Variants in IL1RAPL2 observed in about 807,000 individuals in gnomAD.
The protein encoded by IL1RAPL2 is X-linked interleukin-1 receptor accessory protein-like 2.
IL1RAPL2 carries 3 observed loss-of-function variants against 44.1 expected under a neutral mutation model. The ratio of observed to expected loss-of-function variants is 0.07; its 90% CI spans 0.03 to 0.18. The LOEUF is 0.18. Among genes scored for constraint, IL1RAPL2 ranks in the 10% least tolerant of loss-of-function variants. The pLI, the probability that IL1RAPL2 is intolerant of heterozygous loss-of-function variation, is 1.00. For synonymous variants in IL1RAPL2, 181 were observed against 178.8 expected (o/e 1.01, Z -0.10); for missense variants, 391 against 496.4 (o/e 0.79, Z 2.02).
Position 104,582,578 on chromosome X carries a change from T to TTCTC in IL1RAPL2, c.-20+15528_-20+15529insCTCT, listed in dbSNP as rs1556437089. On this transcript the variant is annotated intron_variant, in intron 1 of 10. Coordinates refer to ENST00000372582, the MANE Select transcript of IL1RAPL2 (RefSeq NM_017416.2). ...TTCCTCCTTTCTCCTCTTTCTTTCT[T>TTCTC]TTTCTTTCTTTCTTTCTTTTTCTTT... 2.7e-3 allele frequency among the ~76,000 whole-genome samples: 161 copies of TTCTC among 59,843 alleles called. 1 individual carries two copies. Among genetic ancestry groups the TTCTC allele is most frequent in the African/African-American group, 8.6e-3 (151 of 17,481 alleles). 52.0% of individuals were successfully genotyped at this position (59,843 alleles called of 115,157 possible).
intron 7 of IL1RAPL2, among the ~76,000 whole-genome samples, chrX:105,721,371 A>G (rs2038302917): frequency 1.8e-5 from 2 of 110,701 alleles, no homozygotes; most frequent in South Asian, 7.8e-4. Flanking sequence ...AGCTGAGATC[A>G]TGCTATTGCA....
At chrX:105,545,171 C>T (rs1025935483) in intron 6 of IL1RAPL2, among the ~76,000 whole-genome samples, 7 of 111,860 alleles carry the variant, frequency 6.3e-5, no homozygotes, top group Admixed American at 5.7e-4. Flanking sequence ...CATTTCTTCC[C>T]GTAGTTCTGG....
intron 5 of IL1RAPL2, among the ~76,000 whole-genome samples, chrX:105,288,815 A>T (rs769894794): frequency 9.0e-6 from 1 of 111,000 alleles, no homozygotes; most frequent in African/African-American, 3.3e-5. Flanking sequence ...TATTGTCGTG[A>T]GCACATATTA....
chrX:105,624,942 A>C (rs2037443337), intron 6 of IL1RAPL2, among the ~76,000 whole-genome samples: 1 of 112,345 alleles, frequency 8.9e-6, no homozygotes, highest in Non-Finnish European at 1.9e-5. Context: ...TGGGCAGTAG[A>C]TACTAAATAA....
chrX:104,950,580 C>T (rs777714861), intron 2 of IL1RAPL2, among the ~76,000 whole-genome samples: 1 of 112,862 alleles, frequency 8.9e-6, no homozygotes, highest in East Asian at 2.8e-4. Context: ...CTGGCTGCCG[C>T]CTTGCAGTTT....
At chrX:105,751,247 C>G (rs1454409863) in intron 9 of IL1RAPL2, among the ~76,000 whole-genome samples, 1 of 110,030 alleles carries the variant, frequency 9.1e-6, no homozygotes, top group Non-Finnish European at 1.9e-5. Flanking sequence ...TGCACTCTGG[C>G]CTGGGCGACA....
At chrX:105,656,197 C>T (rs1043291493) in intron 6 of IL1RAPL2, among the ~76,000 whole-genome samples, 2 of 111,248 alleles carry the variant, frequency 1.8e-5, no homozygotes, top group Admixed American at 9.6e-5. Flanking sequence ...AGGTTCTTGT[C>T]GGAATTGAAA....
chrX:105,269,714 G>A (rs182119444), intron 5 of IL1RAPL2, among the ~76,000 whole-genome samples: 65 of 111,653 alleles, frequency 5.8e-4, no homozygotes, highest in African/African-American at 2.0e-3. Flanking sequence ...TGCACAAAGC[G>A]TCGCAGCATC....
chrX:105,136,465 G>A (rs1288411755), intron 2 of IL1RAPL2, among the ~76,000 whole-genome samples: 1 of 112,497 alleles, frequency 8.9e-6, no homozygotes, highest in Non-Finnish European at 1.9e-5. Flanking sequence ...TATGTGCAGT[G>A]CACAAATGCT....
intron 2 of IL1RAPL2, among the ~76,000 whole-genome samples, chrX:104,988,433 T>C (rs1439263259): frequency 1.8e-5 from 2 of 112,254 alleles, no homozygotes; most frequent in Non-Finnish European, 1.9e-5. Context: ...TTAATAGAAC[T>C]AGATGTAATA....
At chrX:104,833,455 G>A (rs1250030698) in intron 2 of IL1RAPL2, among the ~76,000 whole-genome samples, 4 of 110,391 alleles carry the variant, frequency 3.6e-5, no homozygotes, top group East Asian at 2.8e-4. Context: ...TTGCTTAACT[G>A]TATTAAATCT....
chrX:105,210,699 TTAATAAC>T, intron 3 of IL1RAPL2, among the ~76,000 whole-genome samples: 1 of 111,424 alleles, frequency 9.0e-6, no homozygotes, highest in East Asian at 2.8e-4. Context: ...TACAAACTCT[TTAATAAC>T]TAGTTAGGGA....
At chrX:105,685,633 A>AG (rs1490907661) in intron 6 of IL1RAPL2, among the ~76,000 whole-genome samples, 1 of 111,844 alleles carries the variant, frequency 8.9e-6, no homozygotes, top group Non-Finnish European at 1.9e-5. Context: ...ACTCTTCAGG[A>AG]TATTATCCAG....
intron 5 of IL1RAPL2, among the ~76,000 whole-genome samples, chrX:105,285,039 C>T (rs750227149): frequency 8.9e-6 from 1 of 112,054 alleles, no homozygotes; most frequent in South Asian, 3.7e-4. Flanking sequence ...GTACCTGTTT[C>T]CAAGCTGAAT....
intron 5 of IL1RAPL2, among the ~76,000 whole-genome samples, chrX:105,369,529 G>A (rs1255923577): frequency 9.0e-6 from 1 of 111,564 alleles, no homozygotes; most frequent in African/African-American, 3.3e-5. Flanking sequence ...CAGAGAAGCT[G>A]GGGGCTAGAT....
intron 6 of IL1RAPL2, among the ~76,000 whole-genome samples, chrX:105,649,079 A>C (rs1482369035): frequency 9.0e-6 from 1 of 111,684 alleles, no homozygotes. Flanking sequence ...TGTACATCCA[A>C]TATGCAACTG....
At chrX:104,726,904 C>G (rs1402688363) in intron 2 of IL1RAPL2, among the ~76,000 whole-genome samples, 1 of 108,831 alleles carries the variant, frequency 9.2e-6, no homozygotes, top group Non-Finnish European at 1.9e-5. Flanking sequence ...TCTTTTTTGT[C>G]TTTATATGGA....
At chrX:104,811,514 CCT>C (rs779621220) in intron 2 of IL1RAPL2, among the ~76,000 whole-genome samples, 4 of 110,702 alleles carry the variant, frequency 3.6e-5, no homozygotes, top group African/African-American at 1.3e-4. Flanking sequence ...GATTTTTCCC[CCT>C]CTTTTTTTTT....
At chrX:105,385,155 G>A (rs889823924) in intron 5 of IL1RAPL2, among the ~76,000 whole-genome samples, 1 of 111,141 alleles carries the variant, frequency 9.0e-6, no homozygotes, top group African/African-American at 3.3e-5. Flanking sequence ...GAATAAAAGT[G>A]GTAAAAGTCT....
Sources: gnomAD v4.1 joint callset for allele counts (sites outside exome capture counted in the v4.1 genomes callset) on GRCh38, gnomAD v4.1.1 for gene constraint, MANE v1.5 for transcripts, NCBI Gene and HGNC (gene_info 2026-07-23, HGNC 2026-07-21) for gene names.